The following ERBB4 variants were observed in gnomAD, a reference collection of about 807,000 sequenced individuals.
ERBB4 encodes the protein erb-b2 receptor tyrosine kinase 4.
ERBB4 carries 42 observed loss-of-function variants against 158.0 expected under a neutral mutation model. The observed-to-expected ratio is 0.27, with a 90% CI of 0.21 to 0.34. ERBB4 has a LOEUF of 0.34. ERBB4 is among the 10% of genes least tolerant of loss of function. The pLI, the probability that ERBB4 is intolerant of heterozygous loss-of-function variation, is 1.00. For missense variants in ERBB4, 1,333 were observed against 1,624.1 expected, an observed-to-expected ratio of 0.82 and a Z score of 3.08; for synonymous variants, 583 against 558.7, an observed-to-expected ratio of 1.04 and a Z score of -0.61.
intron 1 of ERBB4, among the ~76,000 whole-genome samples, chr2:212,188,862 TAG>T (rs1173629866): frequency 6.6e-6 from 1 of 152,128 alleles, no homozygotes; most frequent in Non-Finnish European, 1.5e-5. Flanking sequence ...AACATGAGAA[TAG>T]AGACTCAAAG....
intron 1 of ERBB4, among the ~76,000 whole-genome samples, chr2:212,371,794 C>T (rs2090096717): frequency 6.6e-6 from 1 of 152,066 alleles, no homozygotes; most frequent in Non-Finnish European, 1.5e-5. Context: ...AAAAGTCTTA[C>T]TTTGAGCTGA....
intron 1 of ERBB4, among the ~76,000 whole-genome samples, chr2:212,214,787 G>A (rs536543156): frequency 1.3e-5 from 2 of 151,594 alleles, no homozygotes; most frequent in Admixed American, 6.6e-5. Context: ...ATATGTGGGC[G>A]CCAAAATACA....
chr2:211,445,968 A>G (rs1192938220), intron 20 of ERBB4, among the ~76,000 whole-genome samples: 1 of 152,188 alleles, frequency 6.6e-6, no homozygotes, highest in South Asian at 2.1e-4. Flanking sequence ...CAGGTTTGTA[A>G]AGGAAGAGAC....
rs2086255565 is a variant in ERBB4, at chr2:212,292,764, GACAT to G, written c.83-167865_83-167862del. Reference sequence around the variant, plus strand: ...TAGTGAAAAGTTGTTTAGCCTAGTAGACATTTTGACGCTTTCTGCGTGAAATTGA... The same window carrying G: ...TAGTGAAAAGTTGTTTAGCCTAGTAGTTTGACGCTTTCTGCGTGAAATTGA... On this transcript the variant is annotated intron_variant, in intron 1 of 27. Coordinates refer to ENST00000342788, the MANE Select transcript of ERBB4 (RefSeq NM_005235.3). Among the ~76,000 whole-genome samples the G allele has an allele frequency of 4.6e-5, 7 of 152,044 alleles. No individual in the cohort carries two copies. In the South Asian group the frequency reaches 1.4e-3, roughly 31 times the overall value.
At chr2:212,091,049 A>G (rs952893887) in intron 2 of ERBB4, among the ~76,000 whole-genome samples, 1 of 152,144 alleles carries the variant, frequency 6.6e-6, no homozygotes, top group African/African-American at 2.4e-5. Flanking sequence ...GCAGGAGTTC[A>G]TAACTGTTTC....
intron 3 of ERBB4, among the ~76,000 whole-genome samples, chr2:211,942,330 TTTTA>T (rs200095181): frequency 0.036 from 5,261 of 145,776 alleles, 144 homozygotes; most frequent in African/African-American, 0.062. Flanking sequence ...GGATGAAGCA[TTTTA>T]TTTATTTATT....
chr2:211,732,551 C>T (rs531781185), intron 5 of ERBB4, among the ~76,000 whole-genome samples: 7 of 152,126 alleles, frequency 4.6e-5, no homozygotes, highest in Non-Finnish European at 1.0e-4. Context: ...GTATATACCC[C>T]ACATGTAAAA....
At chr2:211,467,644 T>C (rs1384924343) in intron 20 of ERBB4, among the ~76,000 whole-genome samples, 4 of 152,130 alleles carry the variant, frequency 2.6e-5, no homozygotes, top group African/African-American at 4.8e-5. Context: ...TTGGAGGCCA[T>C]AGAAGTGGAA....
At chr2:212,518,127 T>A (rs1336863065) in intron 1 of ERBB4, among the ~76,000 whole-genome samples, 1 of 152,054 alleles carries the variant, frequency 6.6e-6, no homozygotes, top group Non-Finnish European at 1.5e-5. Context: ...AAAATGTCAA[T>A]AGATCTATTT....
chr2:212,033,080 A>G (rs1371339105), intron 2 of ERBB4, among the ~76,000 whole-genome samples: 1 of 152,008 alleles, frequency 6.6e-6, no homozygotes, highest in African/African-American at 2.4e-5. Context: ...CTATTAACAC[A>G]GCTTAAAACT....
At chr2:211,852,538 C>A (rs1191608375) in intron 3 of ERBB4, among the ~76,000 whole-genome samples, 1 of 151,466 alleles carries the variant, frequency 6.6e-6, no homozygotes, top group African/African-American at 2.4e-5. Flanking sequence ...AGCAGGTCCT[C>A]AAATTACATT....
intron 2 of ERBB4, among the ~76,000 whole-genome samples, chr2:212,010,626 G>A (rs371494675): frequency 3.9e-5 from 6 of 152,170 alleles, no homozygotes; most frequent in African/African-American, 1.4e-4. Flanking sequence ...TCTATATTCA[G>A]TAGTGCACGT....
At chr2:211,944,223 C>A (rs1348315200) in intron 3 of ERBB4, among the ~76,000 whole-genome samples, 5 of 21,738 alleles carry the variant, frequency 2.3e-4, no homozygotes, top group Admixed American at 1.5e-3. Flanking sequence ...TACACACACA[C>A]ACAAAAAAAA....
chr2:212,097,777 G>A (rs1261024524), intron 2 of ERBB4, among the ~76,000 whole-genome samples: 2 of 152,146 alleles, frequency 1.3e-5, no homozygotes, highest in Non-Finnish European at 2.9e-5. Context: ...AAAAGATAAT[G>A]ACTAGAAGAT....
chr2:212,488,621 T>A (rs1690107689), intron 1 of ERBB4, among the ~76,000 whole-genome samples: 1 of 151,774 alleles, frequency 6.6e-6, no homozygotes, highest in Non-Finnish European at 1.5e-5. Context: ...AGACAAAAAA[T>A]TTATTAGAAT....
At chr2:212,433,473 A>T (rs1398177117) in intron 1 of ERBB4, among the ~76,000 whole-genome samples, 3 of 152,008 alleles carry the variant, frequency 2.0e-5, no homozygotes, top group Non-Finnish European at 4.4e-5. Flanking sequence ...CAACATATTC[A>T]ATCACCTGTA....
intron 16 of ERBB4, among the ~76,000 whole-genome samples, chr2:211,650,922 G>A (rs1044150012): frequency 1.2e-4 from 19 of 152,172 alleles, no homozygotes; most frequent in Middle Eastern, 3.4e-3. Flanking sequence ...TGCTTTAACT[G>A]CACTGAAAGT....
intron 3 of ERBB4, among the ~76,000 whole-genome samples, chr2:211,869,615 A>C (rs1164683291): frequency 6.6e-6 from 1 of 152,142 alleles, no homozygotes. Flanking sequence ...GAAAGTTTTC[A>C]GTAAATGTTT....
chr2:211,676,579 C>CA (rs141842068), intron 13 of ERBB4, among the ~76,000 whole-genome samples: 16,869 of 151,884 alleles, frequency 0.11, 1,387 homozygotes, highest in Non-Finnish European at 0.17. Context: ...AACAAACAAA[C>CA]AAAAAATCAA....
Sources: allele counts gnomAD v4.1 joint callset (sites outside exome capture counted in the v4.1 genomes callset), GRCh38; gene constraint gnomAD v4.1.1; transcripts MANE v1.5; gene names NCBI Gene and HGNC (gene_info 2026-07-23, HGNC 2026-07-21).